Variants in CADM2 observed in about 807,000 individuals in gnomAD.
CADM2 encodes cell adhesion molecule 2, also known as immunoglobulin superfamily member 4D.
CADM2 carries 12 observed loss-of-function variants against 49.8 expected under a neutral mutation model. The observed-to-expected ratio is 0.24, with a 90% CI of 0.15 to 0.39. The LOEUF is 0.39. Ranked by LOEUF, CADM2 falls within the 10% of genes least tolerant of loss-of-function variation. The pLI is 1.00. For synonymous variants in CADM2, 214 were observed against 175.4 expected, an observed-to-expected ratio of 1.22 and a Z score of -1.74; for missense variants, 378 against 492.3, an observed-to-expected ratio of 0.77 and a Z score of 2.20.
intron 7 of CADM2, among the ~76,000 whole-genome samples, chr3:85,949,246 AAG>A (rs1400487592): frequency 2.0e-5 from 3 of 151,570 alleles, no homozygotes; most frequent in East Asian, 2.0e-4. Flanking sequence ...GAAAAGAAGA[AAG>A]AGTAAAGAAA....
intron 1 of CADM2, among the ~76,000 whole-genome samples, chr3:84,983,862 G>A (rs1356686120): frequency 6.6e-6 from 1 of 151,914 alleles, no homozygotes; most frequent in Non-Finnish European, 1.5e-5. Flanking sequence ...AATATATTTA[G>A]CTGCATGATG....
chr3:85,371,934 G>T (rs1324157686), intron 1 of CADM2, among the ~76,000 whole-genome samples: 1 of 151,432 alleles, frequency 6.6e-6, no homozygotes, highest in East Asian at 1.9e-4. Flanking sequence ...CTTAGACTTG[G>T]TAGATCTTGT....
At chr3:86,043,342 G>C (rs1736205479) in intron 8 of CADM2, among the ~76,000 whole-genome samples, 1 of 152,134 alleles carries the variant, frequency 6.6e-6, no homozygotes, top group African/African-American at 2.4e-5. Context: ...CATTGTCTCA[G>C]CCCAAAATCT....
chr3:85,180,311 C>A (rs948234533), intron 1 of CADM2, among the ~76,000 whole-genome samples: 1 of 151,674 alleles, frequency 6.6e-6, no homozygotes, highest in Non-Finnish European at 1.5e-5. Context: ...GAGTTTGAGA[C>A]CACCCTGGGC....
chr3:85,225,616 G>C (rs1260934249), intron 1 of CADM2, among the ~76,000 whole-genome samples: 1 of 152,104 alleles, frequency 6.6e-6, no homozygotes, highest in African/African-American at 2.4e-5. Context: ...TGATTGCCCT[G>C]GCAAGAACTT....
intron 3 of CADM2, among the ~76,000 whole-genome samples, chr3:85,880,869 G>T (rs1476806551): frequency 6.6e-6 from 1 of 152,074 alleles, no homozygotes. Flanking sequence ...GTTCTTTGGG[G>T]TTTTCCTAGT....
intron 1 of CADM2, among the ~76,000 whole-genome samples, chr3:85,507,597 T>G (rs2040416394): frequency 6.6e-6 from 1 of 152,204 alleles, no homozygotes; most frequent in Non-Finnish European, 1.5e-5. Context: ...GTTTAGCTCC[T>G]CCATTAGGCA....
intron 1 of CADM2, among the ~76,000 whole-genome samples, chr3:85,625,395 TA>T (rs2064095389): frequency 6.6e-6 from 1 of 152,096 alleles, no homozygotes; most frequent in Non-Finnish European, 1.5e-5. Flanking sequence ...AAAGAAAAGT[TA>T]TCTTAAACCA....
At chr3:85,990,403 A>T (rs1728637098) in intron 8 of CADM2, among the ~76,000 whole-genome samples, 1 of 152,164 alleles carries the variant, frequency 6.6e-6, no homozygotes, top group African/African-American at 2.4e-5. Context: ...TGTATTAAAT[A>T]CATTTTTGAC....
At chr3:85,432,177 T>C (rs1202363715) in intron 1 of CADM2, among the ~76,000 whole-genome samples, 1 of 151,838 alleles carries the variant, frequency 6.6e-6, no homozygotes, top group Non-Finnish European at 1.5e-5. Context: ...CTAGAAGGAC[T>C]TGGCCCAATC....
chr3:85,848,356 A>G (rs2074965876), intron 3 of CADM2, among the ~76,000 whole-genome samples: 1 of 152,176 alleles, frequency 6.6e-6, no homozygotes, highest in African/African-American at 2.4e-5. Context: ...TATTTCTCCT[A>G]TTATATTTTA....
intron 3 of CADM2, among the ~76,000 whole-genome samples, chr3:85,820,729 C>G (rs145731915): frequency 1.4e-3 from 209 of 152,028 alleles, no homozygotes; most frequent in African/African-American, 4.7e-3. Flanking sequence ...AGTCTGGAGT[C>G]CACAGACAAG....
At chr3:85,572,748 C>G (rs2062516208) in intron 1 of CADM2, among the ~76,000 whole-genome samples, 1 of 152,154 alleles carries the variant, frequency 6.6e-6, no homozygotes, top group Non-Finnish European at 1.5e-5. Flanking sequence ...AGAAAGAGTC[C>G]AGCTTCAGTA....
At chr3:85,100,388 T>C (rs2037967557) in intron 1 of CADM2, among the ~76,000 whole-genome samples, 2 of 152,198 alleles carry the variant, frequency 1.3e-5, no homozygotes, top group African/African-American at 4.8e-5. Context: ...CATAACATAT[T>C]TGCTTCATGT....
chr3:85,821,879 T>C (rs762727749), intron 3 of CADM2, among the ~76,000 whole-genome samples: 15 of 152,132 alleles, frequency 9.9e-5, no homozygotes, highest in Non-Finnish European at 1.8e-4. Context: ...AAATATAACA[T>C]AAAAAATAAA....
In CADM2 at chr3:85,812,810, C is replaced by T. The variant is rs146103810; in HGVS notation, c.238+10614C>T. Among the ~76,000 whole-genome samples, 385 of 152,078 alleles carry T rather than the reference C, an allele frequency of 2.5e-3. 1 individual carries two copies. The highest frequency in any genetic ancestry group is 8.9e-3 in the African/African-American group (368 of 41,510). On this transcript the variant is annotated intron_variant, in intron 3 of 9. Coordinates refer to ENST00000383699, the MANE Select transcript of CADM2 (RefSeq NM_001167675.2). ...TGAGAACATGTGGTGTTTGGTTTTC[C>T]GTTCTTGTGACAATTTGGTGAAAAT...
At chr3:85,411,092 A>G (rs2035635322) in intron 1 of CADM2, among the ~76,000 whole-genome samples, 1 of 152,186 alleles carries the variant, frequency 6.6e-6, no homozygotes, top group Non-Finnish European at 1.5e-5. Flanking sequence ...GTCTTTGAAA[A>G]TGTGTTACTG....
At chr3:85,245,305 G>A (rs2042621075) in intron 1 of CADM2, among the ~76,000 whole-genome samples, 1 of 152,102 alleles carries the variant, frequency 6.6e-6, no homozygotes. Context: ...GAGGTCAGGA[G>A]ATCGAGACCA....
At chr3:85,999,287 T>A (rs1729848482) in intron 8 of CADM2, among the ~76,000 whole-genome samples, 1 of 151,344 alleles carries the variant, frequency 6.6e-6, no homozygotes, top group Non-Finnish European at 1.5e-5. Flanking sequence ...GTGGATCACT[T>A]GAGTTCAGGA....
Sources: gnomAD v4.1 joint callset for allele counts (sites outside exome capture counted in the v4.1 genomes callset) on GRCh38, gnomAD v4.1.1 for gene constraint, MANE v1.5 for transcripts, NCBI Gene and HGNC (gene_info 2026-07-23, HGNC 2026-07-21) for gene names.